DOK5: variants seen among roughly 807,000 people sequenced by gnomAD.
DOK5 encodes docking protein 5.
DOK5 carries 27 observed loss-of-function variants against 43.3 expected under a neutral mutation model. The ratio of observed to expected loss-of-function variants is 0.62; its 90% CI spans 0.46 to 0.86. DOK5 has a LOEUF of 0.86. Among genes scored for constraint, DOK5 ranks in the 40% least tolerant of loss-of-function variants. DOK5 has a pLI of 0.00. For missense variants in DOK5, 373 were observed against 392.9 expected (o/e 0.95, Z 0.43); for synonymous variants, 146 against 140.1 (o/e 1.04, Z -0.30).
At chr20:54,630,735 G>A (rs965380171) in intron 6 of DOK5, among the ~76,000 whole-genome samples, 2 of 152,114 alleles carry the variant, frequency 1.3e-5, no homozygotes, top group African/African-American at 2.4e-5. Flanking sequence ...ATAATGTGAA[G>A]GTAAGACTTC....
At chr20:54,499,652 A>C (rs1282350203) in intron 1 of DOK5, among the ~76,000 whole-genome samples, 1 of 152,354 alleles carries the variant, frequency 6.6e-6, no homozygotes, top group South Asian at 2.1e-4. Context: ...ATCTCTGTGT[A>C]CATTAGTAAG....
intron 1 of DOK5, among the ~76,000 whole-genome samples, chr20:54,489,458 C>T (rs562298272): frequency 6.6e-6 from 1 of 152,072 alleles, no homozygotes; most frequent in South Asian, 2.1e-4. Context: ...GCAATTTATA[C>T]TTATATAGTC....
At chr20:54,495,038 G>C (rs1196055730) in intron 1 of DOK5, 1 of 148,408 alleles carries the variant, frequency 6.7e-6, no homozygotes, top group Non-Finnish European at 1.5e-5. Context: ...TCTTTAATTT[G>C]ATTTTCGTAA....
rs543051908 is a variant in DOK5, at chr20:54,510,845, G to A, written c.66+34833G>A. Among the ~76,000 whole-genome samples, 22 of 152,254 alleles carry A rather than the reference G, an allele frequency of 1.4e-4. No homozygotes were observed. In the South Asian group the frequency reaches 4.4e-3, roughly 30 times the overall value. On this transcript the variant is annotated intron_variant, in intron 1 of 7. Coordinates refer to ENST00000262593, the MANE Select transcript of DOK5 (RefSeq NM_018431.5). The stretch of plus-strand genomic sequence containing the variant: ...TTGATTTCACTCCTGCGCCTCTGGA[G>A]TTGAAAGAGTAGCTCATTAAAATGG...
chr20:54,583,124 C>G (rs1985691643), intron 2 of DOK5, among the ~76,000 whole-genome samples: 2 of 151,916 alleles, frequency 1.3e-5, no homozygotes, highest in Non-Finnish European at 2.9e-5. Flanking sequence ...CTTCTTTGAT[C>G]TATTGGTTGT....
chr20:54,535,534 T>TC (rs1983933335), intron 1 of DOK5, among the ~76,000 whole-genome samples: 1 of 152,126 alleles, frequency 6.6e-6, no homozygotes, highest in African/African-American at 2.4e-5. Flanking sequence ...GGGATTTTTT[T>TC]TTTTGCCACA....
At chr20:54,576,314 C>T (rs989854366) in intron 2 of DOK5, among the ~76,000 whole-genome samples, 3 of 152,060 alleles carry the variant, frequency 2.0e-5, no homozygotes, top group Admixed American at 1.3e-4. Context: ...AATGGTCATT[C>T]ACATAGAAGA....
At chr20:54,631,442 G>T (rs937947172) in intron 6 of DOK5, among the ~76,000 whole-genome samples, 1 of 151,026 alleles carries the variant, frequency 6.6e-6, no homozygotes, top group Non-Finnish European at 1.5e-5. Flanking sequence ...AGAAAGGAAA[G>T]AAAGGAAGGA....
intron 2 of DOK5, among the ~76,000 whole-genome samples, chr20:54,565,834 G>A (rs1985075190): frequency 6.6e-6 from 1 of 152,014 alleles, no homozygotes; most frequent in Non-Finnish European, 1.5e-5. Context: ...GGCCAACAGG[G>A]TGAAACCATG....
intron 1 of DOK5, chr20:54,476,259 G>A: frequency 3.2e-6 from 3 of 933,850 alleles, no homozygotes; most frequent in South Asian, 9.9e-5. Context: ...GGCTTCAGTA[G>A]CCCCTGGAGC....
At chr20:54,565,738 C>T (rs1985070851) in intron 2 of DOK5, among the ~76,000 whole-genome samples, 1 of 152,056 alleles carries the variant, frequency 6.6e-6, no homozygotes, top group Admixed American at 6.6e-5. Flanking sequence ...AGATACTGAA[C>T]ATGGTCGGGC....
chr20:54,553,896 C>CAA (rs761243905), intron 1 of DOK5, among the ~76,000 whole-genome samples: 10,079 of 79,902 alleles, frequency 0.13, 463 homozygotes, highest in East Asian at 0.2. Flanking sequence ...GACTCTGTCT[C>CAA]AAAAAAAAAA....
chr20:54,593,041 A>C (rs566145724), intron 5 of DOK5, among the ~76,000 whole-genome samples: 35 of 152,312 alleles, frequency 2.3e-4, no homozygotes, highest in Non-Finnish European at 4.3e-4. Context: ...ACCCCAATCC[A>C]TGTGAATGGA....
At chr20:54,552,411 G>C (rs778378933) in intron 1 of DOK5, among the ~76,000 whole-genome samples, 13 of 151,708 alleles carry the variant, frequency 8.6e-5, no homozygotes, top group Admixed American at 8.5e-4. Context: ...ATGTATTATA[G>C]ATGTAGTATA....
chr20:54,572,740 C>A lies in DOK5; in HGVS notation c.175-15743C>A, dbSNP rs576432452. On this transcript the variant is annotated intron_variant, in intron 2 of 7. Coordinates refer to ENST00000262593, the MANE Select transcript of DOK5 (RefSeq NM_018431.5). ...AACCATATAGATCAGATTATTAGAT[C>A]TTTCCCTTTGTATGCTTCTGTTGCA... is the stretch of plus-strand genomic sequence containing the variant. Among the ~76,000 whole-genome samples the A allele has an allele frequency of 1.4e-3, 206 of 152,196 alleles. 1 individual carries two copies. The highest frequency in any genetic ancestry group is 5.8e-3 in the South Asian group (28 of 4,818).
At position 54,612,284 on chromosome 20, in the gene DOK5, G is replaced by A. The variant is rs529058142; in HGVS notation, c.735+1761G>A. Among the ~76,000 whole-genome samples the A allele has an allele frequency of 2.0e-5, 3 of 152,286 alleles. No individual in the cohort carries two copies. The East Asian group carries it at 5.8e-4, about 29-fold the overall frequency. On this transcript the variant is annotated intron_variant, in intron 6 of 7. Coordinates refer to ENST00000262593, the MANE Select transcript of DOK5 (RefSeq NM_018431.5). The stretch of plus-strand genomic sequence containing the variant: ...CCTGCCCCCGTGAGCCAGTGCTGAC[G>A]TAAGCATTTGCGAGAAACCAGGCTT...
intron 5 of DOK5, among the ~76,000 whole-genome samples, chr20:54,592,074 A>G (rs1985992932): frequency 6.6e-6 from 1 of 152,208 alleles, no homozygotes; most frequent in African/African-American, 2.4e-5. Flanking sequence ...CATATCACAA[A>G]CTGAAGTTGA....
intron 5 of DOK5, among the ~76,000 whole-genome samples, chr20:54,603,000 A>G (rs941736760): frequency 2.0e-5 from 3 of 152,294 alleles, no homozygotes; most frequent in Admixed American, 1.3e-4. Context: ...TCTGCTTTCA[A>G]TTTATAACAG....
chr20:54,541,378 G>A (rs985586512), intron 1 of DOK5, among the ~76,000 whole-genome samples: 9 of 152,108 alleles, frequency 5.9e-5, no homozygotes, highest in South Asian at 2.1e-4. Flanking sequence ...TCAATGCTTC[G>A]TCTCACTTCC....
Sources: gnomAD v4.1 joint callset for allele counts (sites outside exome capture counted in the v4.1 genomes callset) on GRCh38, gnomAD v4.1.1 for gene constraint, MANE v1.5 for transcripts, NCBI Gene and HGNC (gene_info 2026-07-23, HGNC 2026-07-21) for gene names.